Variants in NLGN4X observed in about 807,000 individuals in gnomAD.
NLGN4X encodes neuroligin-4, X-linked.
A neutral mutation model predicts 40.3 loss-of-function variants in NLGN4X; 3 were observed. That is an observed-to-expected ratio of 0.07 (90% confidence interval 0.03 to 0.19). NLGN4X has a LOEUF of 0.19. Among genes scored for constraint, NLGN4X ranks in the 10% least tolerant of loss-of-function variants. NLGN4X has a pLI of 1.00. For synonymous variants in NLGN4X, 270 were observed against 306.8 expected, an observed-to-expected ratio of 0.88 and a Z score of 1.25; for missense variants, 382 against 708.3, an observed-to-expected ratio of 0.54 and a Z score of 5.23.
chrX:6,138,412 C>A (rs1373418504), intron 2 of NLGN4X, among the ~76,000 whole-genome samples: 2 of 111,589 alleles, frequency 1.8e-5, no homozygotes, highest in Admixed American at 9.6e-5. Context: ...TTCCAAATTT[C>A]TTCATCTCTG....
At chrX:5,913,892 G>T (rs750782008) in intron 3 of NLGN4X, among the ~76,000 whole-genome samples, 1 of 111,804 alleles carries the variant, frequency 8.9e-6, no homozygotes, top group South Asian at 3.8e-4. Flanking sequence ...TAAGTGTCAT[G>T]AAATCTGATG....
At chrX:6,135,649 G>C (rs1192794908) in intron 2 of NLGN4X, among the ~76,000 whole-genome samples, 1 of 111,349 alleles carries the variant, frequency 9.0e-6, no homozygotes, top group Admixed American at 9.6e-5. Context: ...TCTTTCCACT[G>C]GATATAGACA....
chrX:6,099,777 T>A (rs2038864998), intron 2 of NLGN4X, among the ~76,000 whole-genome samples: 1 of 112,498 alleles, frequency 8.9e-6, no homozygotes, highest in Non-Finnish European at 1.9e-5. Context: ...GACTTGTCTT[T>A]GCTTGTTGCA....
At position 5,892,643 on chromosome X, in the gene NLGN4X, G is replaced by T. The variant is rs3810687; in HGVS notation, c.*174C>A. The T allele has an allele frequency of 0.11, 63,168 of 567,548 alleles. 2,585 individuals carry two copies. Among genetic ancestry groups the T allele is most frequent in the Middle Eastern group, 0.13 (287 of 2,139 alleles). 46.8% of individuals were successfully genotyped at this position (567,548 alleles called of 1,213,427 possible). On this transcript the variant is annotated 3_prime_UTR_variant, in exon 6 of 6. Coordinates refer to ENST00000381095, the MANE Select transcript of NLGN4X (RefSeq NM_181332.3). ...TAATACTGGAAAACACCAACGATAA[G>T]GGTCTGCCGGGATGGGATGACTGCC...
At chrX:6,116,967 T>C (rs1355466522) in intron 2 of NLGN4X, among the ~76,000 whole-genome samples, 1 of 111,863 alleles carries the variant, frequency 8.9e-6, no homozygotes, top group African/African-American at 3.3e-5. Flanking sequence ...TTTTGGTTGA[T>C]TGCTTTTGGT....
rs150162350 is a variant in NLGN4X at position 6,137,365 on chromosome X, T to A, written c.472+13630A>T. Among the ~76,000 whole-genome samples the A allele has an allele frequency of 1.9e-3, 210 of 112,055 alleles. 2 individuals carry two copies. The highest frequency in any genetic ancestry group is 0.016 in the East Asian group (57 of 3,526). ...GAACTCATCTTACCTTGATTACATT[T>A]GCAGAAATCCTATTTTCAAATAAGG... On this transcript the variant is annotated intron_variant, in intron 2 of 5. Transcript: ENST00000381095.
intron 2 of NLGN4X, among the ~76,000 whole-genome samples, chrX:6,081,298 G>A (rs1273156283): frequency 1.8e-5 from 2 of 111,384 alleles, no homozygotes; most frequent in South Asian, 7.6e-4. Context: ...AAAAAAAATT[G>A]TAGAGACGGG....
At chrX:6,063,277 C>T (rs143778579) in intron 2 of NLGN4X, among the ~76,000 whole-genome samples, 321 of 111,689 alleles carry the variant, frequency 2.9e-3, no homozygotes, top group African/African-American at 0.01. Flanking sequence ...GAGTTCCAGA[C>T]CAGCTTGGGC....
At chrX:6,148,626 C>T (rs954290689) in intron 2 of NLGN4X, among the ~76,000 whole-genome samples, 27 of 110,915 alleles carry the variant, frequency 2.4e-4, no homozygotes, top group Non-Finnish European at 1.1e-4. Flanking sequence ...AGCAATTCTC[C>T]TGCCTCAGCC....
Position 6,184,378 on chromosome X carries a change from G to GA in NLGN4X, c.-305-32608dup, listed in dbSNP as rs762125044. Among the ~76,000 whole-genome samples, 20 of 111,938 alleles carry GA rather than the reference G, an allele frequency of 1.8e-4. No individual in the cohort carries two copies. In the East Asian group the frequency reaches 5.3e-3, roughly 30 times the overall value. On this transcript the variant is annotated intron_variant, in intron 1 of 5. Coordinates refer to ENST00000381095, the MANE Select transcript of NLGN4X (RefSeq NM_181332.3). Reference sequence around the variant, plus strand: ...ATCAATTACCATTAAAAGGACAAGTGAAAGACTAAACATTCCCCAAGGAAG... The same window carrying GA: ...ATCAATTACCATTAAAAGGACAAGTGAAAAGACTAAACATTCCCCAAGGAAG...
intron 3 of NLGN4X, among the ~76,000 whole-genome samples, chrX:5,918,629 G>A (rs983381846): frequency 1.8e-5 from 2 of 112,055 alleles, no homozygotes; most frequent in Non-Finnish European, 3.8e-5. Flanking sequence ...CAAACTCTCT[G>A]CCTCTTTAAG....
At chrX:5,947,172 TTA>T (rs752302475) in intron 3 of NLGN4X, among the ~76,000 whole-genome samples, 53 of 112,028 alleles carry the variant, frequency 4.7e-4, no homozygotes, top group African/African-American at 1.7e-3. Context: ...ATGGAACAAC[TTA>T]TAATCCTTTG....
chrX:6,025,261 T>C (rs144623765), intron 3 of NLGN4X, among the ~76,000 whole-genome samples: 32 of 112,237 alleles, frequency 2.9e-4, no homozygotes, highest in East Asian at 2.2e-3. Flanking sequence ...ATGTCCTGGA[T>C]TGGATCATAA....
intron 2 of NLGN4X, among the ~76,000 whole-genome samples, chrX:6,139,866 G>A (rs986027854): frequency 9.0e-6 from 1 of 111,434 alleles, no homozygotes; most frequent in African/African-American, 3.3e-5. Flanking sequence ...ATTTTTAAAT[G>A]AGTTATCTAA....
chrX:5,903,299 T>C lies in NLGN4X; in HGVS notation c.1379A>G (p.His460Arg), dbSNP rs751713329. 8.3e-7 allele frequency: 1 copy of C among 1,211,643 alleles called. No individual in the cohort carries two copies. The part of the protein sequence containing the change: ...VAPAVATADL[H>R]AQYGSPTYFY... ...GTAGGTGGGGGAGCCGTACTGCGCGTGCAGGTCGGCGGTGGCCACGGCGGG... is the reference window on the plus strand; with the variant it reads ...GTAGGTGGGGGAGCCGTACTGCGCGCGCAGGTCGGCGGTGGCCACGGCGGG... Residue 460 changes from histidine to arginine, a missense_variant, in exon 5 of 6, where the codon CAC (histidine) becomes CGC (arginine). Transcript: ENST00000381095.
chrX:6,190,531 T>C (rs942486416), intron 1 of NLGN4X, among the ~76,000 whole-genome samples: 12 of 112,362 alleles, frequency 1.1e-4, no homozygotes, highest in African/African-American at 3.9e-4. Flanking sequence ...AGATGAACCT[T>C]TCTAAAATTT....
At chrX:6,175,349 A>T (rs750456658) in intron 1 of NLGN4X, among the ~76,000 whole-genome samples, 1 of 111,001 alleles carries the variant, frequency 9.0e-6, no homozygotes, top group East Asian at 2.8e-4. Flanking sequence ...ATGAAATATA[A>T]TCATTTTATT....
At chrX:6,070,593 AT>A (rs1376597505) in intron 2 of NLGN4X, among the ~76,000 whole-genome samples, 1 of 112,092 alleles carries the variant, frequency 8.9e-6, no homozygotes, top group Non-Finnish European at 1.9e-5. Flanking sequence ...AAATTAAAAA[AT>A]AAACATAAAC....
intron 2 of NLGN4X, among the ~76,000 whole-genome samples, chrX:6,116,065 G>A (rs1312313110): frequency 4.6e-5 from 5 of 108,820 alleles, no homozygotes; most frequent in Non-Finnish European, 1.9e-5. Context: ...AGGCCAAGGT[G>A]GGTGCATCAG....
Sources: gnomAD v4.1 joint callset for allele counts (sites outside exome capture counted in the v4.1 genomes callset) on GRCh38, gnomAD v4.1.1 for gene constraint, MANE v1.5 for transcripts, NCBI Gene and HGNC (gene_info 2026-07-23, HGNC 2026-07-21) for gene names.